TNFSF4: variants seen among roughly 807,000 people sequenced by gnomAD.
TNFSF4 encodes TNF superfamily member 4, also known as tumor necrosis factor ligand superfamily member 4.
In TNFSF4, 4 loss-of-function variants were observed where a neutral mutation model predicts 7.3. The ratio of observed to expected loss-of-function variants is 0.55; its 90% CI spans 0.27 to 1.25. The LOEUF (loss-of-function observed/expected upper bound fraction) is 1.25, where lower values mean the gene tolerates loss of function less well. Ranked by LOEUF, TNFSF4 falls within the 50% of genes most tolerant of loss-of-function variation. The pLI, the probability that TNFSF4 is intolerant of heterozygous loss-of-function variation, is 0.12. For missense variants in TNFSF4, 181 were observed against 208.8 expected, an observed-to-expected ratio of 0.87 and a Z score of 0.82; for synonymous variants, 76 against 83.7, an observed-to-expected ratio of 0.91 and a Z score of 0.50.
the TNFSF4 span, among the ~76,000 whole-genome samples, chr1:173,424,576 C>T: frequency 2.0e-5 from 3 of 152,238 alleles, no homozygotes; most frequent in Admixed American, 2.0e-4. Flanking sequence ...GCTGGATTTT[C>T]AAGGGTACAA....
the TNFSF4 span, among the ~76,000 whole-genome samples, chr1:173,434,679 G>A: frequency 2.0e-5 from 3 of 152,202 alleles, no homozygotes; most frequent in Non-Finnish European, 4.4e-5. Flanking sequence ...CGATGCCATG[G>A]AGACCAAATG....
At chr1:173,298,185 G>T in the TNFSF4 span, among the ~76,000 whole-genome samples, 2 of 151,866 alleles carry the variant, frequency 1.3e-5, no homozygotes, top group African/African-American at 2.4e-5. Flanking sequence ...GCTTTCAGAT[G>T]AAAAGCTTGA....
the TNFSF4 span, among the ~76,000 whole-genome samples, chr1:173,227,081 T>G: frequency 0.11 from 16,019 of 151,538 alleles, 1,934 homozygotes; most frequent in African/African-American, 0.3. Context: ...CAAGAGGTGT[T>G]CAGGAAATGG....
the TNFSF4 span, among the ~76,000 whole-genome samples, chr1:173,222,318 T>A: frequency 5.9e-5 from 9 of 152,128 alleles, no homozygotes; most frequent in Non-Finnish European, 1.3e-4. Context: ...AGACAAGATA[T>A]GAAAACTTCA....
At chr1:173,325,253 C>A in the TNFSF4 span, among the ~76,000 whole-genome samples, 1 of 152,118 alleles carries the variant, frequency 6.6e-6, no homozygotes, top group Non-Finnish European at 1.5e-5. Context: ...ACAACCTGCT[C>A]CTGAATGACT....
At chr1:173,270,483 G>C in the TNFSF4 span, among the ~76,000 whole-genome samples, 1 of 152,044 alleles carries the variant, frequency 6.6e-6, no homozygotes, top group Non-Finnish European at 1.5e-5. Context: ...GGGAACGAAA[G>C]ATTTGAAGAG....
In TNFSF4 at chr1:173,184,240, T is replaced by G. The variant is rs1051902671; in HGVS notation, c.*2276A>C. On this transcript the variant is annotated 3_prime_UTR_variant, in exon 3 of 3. Transcript: ENST00000281834. ...TGGCTAGTTAGTGGCTAAGTCAAAT[T>G]TAAAATTCTGATCTCCTGACTTTTC... 6.6e-5 allele frequency: 10 copies of G among 152,198 alleles called. No individual in the cohort carries two copies. The highest frequency in any genetic ancestry group is 2.4e-4 in the African/African-American group (10 of 41,444). 9.4% of individuals were successfully genotyped at this position (152,198 alleles called of 1,614,324 possible).
the TNFSF4 span, among the ~76,000 whole-genome samples, chr1:173,218,555 G>C: frequency 1.3e-5 from 2 of 151,530 alleles, no homozygotes; most frequent in Admixed American, 6.6e-5. Flanking sequence ...CTATGACCCA[G>C]TCTTCCATCC....
chr1:173,264,308 T>C, the TNFSF4 span, among the ~76,000 whole-genome samples: 2 of 146,502 alleles, frequency 1.4e-5, no homozygotes, highest in East Asian at 4.0e-4. Context: ...CCACCACATC[T>C]GGCTTCTTCT....
the TNFSF4 span, among the ~76,000 whole-genome samples, chr1:173,311,227 C>G: frequency 1.3e-5 from 2 of 151,788 alleles, no homozygotes; most frequent in Admixed American, 6.6e-5. Context: ...TATTATTTGC[C>G]TTTCTTTCCT....
At chr1:173,399,978 A>G in the TNFSF4 span, among the ~76,000 whole-genome samples, 3 of 152,318 alleles carry the variant, frequency 2.0e-5, no homozygotes, top group African/African-American at 7.2e-5. Context: ...GATGGCTTCC[A>G]TCATGGAAGG....
Position 173,186,412 on chromosome 1 carries a change from C to G in TNFSF4, c.*104G>C. On this transcript the variant is annotated 3_prime_UTR_variant, in exon 3 of 3. Transcript: ENST00000281834. ...CTGCTTCTTGTCACATCCCACGTGG[C>G]TGAGCTGGGAGGCTCCTTCACTTGC... 3 of 936,426 alleles carry G rather than the reference C, an allele frequency of 3.2e-6. No homozygotes were observed. Among genetic ancestry groups the G allele is most frequent in the Non-Finnish European group, 4.8e-6 (3 of 627,336 alleles). 58.0% of individuals were successfully genotyped at this position (936,426 alleles called of 1,614,324 possible). A position where few individuals can be genotyped will look rare whatever the true frequency, so the allele number is the denominator to read the frequency against.
the TNFSF4 span, among the ~76,000 whole-genome samples, chr1:173,214,581 G>C: frequency 6.6e-6 from 1 of 151,842 alleles, no homozygotes; most frequent in Admixed American, 6.6e-5. Context: ...TAGCTAATGA[G>C]CTAAAAAAAA....
the TNFSF4 span, among the ~76,000 whole-genome samples, chr1:173,429,297 T>C: frequency 0.84 from 127,735 of 152,162 alleles, 53,905 homozygotes; most frequent in African/African-American, 0.92. Context: ...CCCCTCTTTC[T>C]TGTATTTCCT....
At chr1:173,304,177 C>T in the TNFSF4 span, among the ~76,000 whole-genome samples, 1 of 151,800 alleles carries the variant, frequency 6.6e-6, no homozygotes, top group East Asian at 1.9e-4. Flanking sequence ...AACAAAAAAC[C>T]TCCAAGTAAA....
At chr1:173,424,837 A>G in the TNFSF4 span, among the ~76,000 whole-genome samples, 1 of 152,394 alleles carries the variant, frequency 6.6e-6, no homozygotes, top group East Asian at 1.9e-4. Flanking sequence ...TACTGTCTAC[A>G]TGACCTCAGG....
At chr1:173,330,353 TTAA>T in the TNFSF4 span, among the ~76,000 whole-genome samples, 1 of 151,026 alleles carries the variant, frequency 6.6e-6, no homozygotes, top group Non-Finnish European at 1.5e-5. Context: ...ATATGTTTTG[TTAA>T]TAAATTATTA....
the TNFSF4 span, among the ~76,000 whole-genome samples, chr1:173,250,455 G>T: frequency 6.1e-5 from 9 of 147,470 alleles, no homozygotes; most frequent in South Asian, 2.2e-4. Context: ...TTCATTTTTT[G>T]TTTTTTTGTT....
At chr1:173,266,232 A>C in the TNFSF4 span, among the ~76,000 whole-genome samples, 1 of 152,164 alleles carries the variant, frequency 6.6e-6, no homozygotes, top group Non-Finnish European at 1.5e-5. Context: ...TCAATGGATG[A>C]TGAGTAAAGA....
Sources: allele counts gnomAD v4.1 joint callset (sites outside exome capture counted in the v4.1 genomes callset), GRCh38; gene constraint gnomAD v4.1.1; transcripts MANE v1.5; gene names NCBI Gene and HGNC (gene_info 2026-07-23, HGNC 2026-07-21).